Variants in SMARCC1 observed in about 807,000 individuals in gnomAD.
SMARCC1 encodes the protein SWI/SNF complex subunit SMARCC1.
SMARCC1 carries 43 observed loss-of-function variants against 147.4 expected under a neutral mutation model. That is an observed-to-expected ratio of 0.29 (90% CI 0.23 to 0.38). SMARCC1 has a LOEUF of 0.38. Among genes scored for constraint, SMARCC1 ranks in the 10% least tolerant of loss-of-function variants. The pLI is 1.00. For synonymous variants in SMARCC1, 495 were observed against 484.4 expected (o/e 1.02, Z -0.29); for missense variants, 1,119 against 1,381.1 (o/e 0.81, Z 3.01).
intron 11 of SMARCC1, among the ~76,000 whole-genome samples, chr3:47,695,411 G>C (rs2033836492): frequency 6.6e-6 from 1 of 152,076 alleles, no homozygotes. Context: ...TCATACACTG[G>C]AAAACTGAAT....
In SMARCC1 at chr3:47,781,815, C is replaced by T. The variant is rs1169245770; in HGVS notation, c.-18G>A. On this transcript the variant is annotated 5_prime_UTR_variant, in exon 1 of 28. Transcript: ENST00000254480. ...GCGGCCATCGTCGCAGCCCGTCGTC[C>T]CCACAGCCTGGCCCACCCCGGCCCT... The T allele has an allele frequency of 7.2e-7, 1 of 1,388,702 alleles. No individual in the cohort carries two copies. The highest frequency in any genetic ancestry group is 1.5e-5 in the African/African-American group (1 of 65,598). The allele number at this position is 1,388,702 out of a possible 1,614,324, so 86.0% of individuals were successfully genotyped here.
intron 18 of SMARCC1, among the ~76,000 whole-genome samples, chr3:47,671,190 A>AAAAAAAAAAAAAAAAAAAAAC (rs1559640688): frequency 6.9e-6 from 1 of 145,234 alleles, no homozygotes; most frequent in African/African-American, 2.6e-5. Flanking sequence ...AAAAAAAAAA[A>AAAAAAAAAAAAAAAAAAAAAC]AAAAAAAACA....
chr3:47,770,959 C>T (rs552554303), intron 2 of SMARCC1, among the ~76,000 whole-genome samples: 3 of 152,108 alleles, frequency 2.0e-5, no homozygotes, highest in Admixed American at 1.3e-4. Flanking sequence ...TCGCCCAGGC[C>T]GGAGGCAGTG....
chr3:47,659,762 G>C (rs932764804), intron 21 of SMARCC1, among the ~76,000 whole-genome samples: 1 of 110,510 alleles, frequency 9.0e-6, no homozygotes, highest in Non-Finnish European at 1.9e-5. Context: ...AAAAAAAAAG[G>C]GGGGGGGGGC....
chr3:47,605,808 A>C (rs531281339), intron 26 of SMARCC1, among the ~76,000 whole-genome samples: 62 of 152,264 alleles, frequency 4.1e-4, no homozygotes, highest in Non-Finnish European at 6.9e-4. Flanking sequence ...GCAGCCAGAC[A>C]TAATAAATGT....
At chr3:47,776,687 G>C (rs2034978801) in intron 1 of SMARCC1, among the ~76,000 whole-genome samples, 2 of 152,072 alleles carry the variant, frequency 1.3e-5, no homozygotes, top group Non-Finnish European at 2.9e-5. Flanking sequence ...CTTGAAAAAG[G>C]CTGTTCAGAT....
chr3:47,705,131 G>C (rs928667041), intron 10 of SMARCC1, among the ~76,000 whole-genome samples: 72 of 151,822 alleles, frequency 4.7e-4, no homozygotes, highest in African/African-American at 1.6e-3. Context: ...AGACCACCCT[G>C]ACCAACGTGG....
chr3:47,697,394 G>A (rs967533643), intron 11 of SMARCC1, among the ~76,000 whole-genome samples: 2 of 151,358 alleles, frequency 1.3e-5, no homozygotes, highest in African/African-American at 2.4e-5. Context: ...TCCGCCTCCC[G>A]GGTTCAAGCG....
chr3:47,611,059 A>T (rs2032557443), intron 25 of SMARCC1, among the ~76,000 whole-genome samples: 1 of 152,266 alleles, frequency 6.6e-6, no homozygotes, highest in Admixed American at 6.5e-5. Flanking sequence ...ATGAGAATAA[A>T]GAGAAATACA....
intron 25 of SMARCC1, among the ~76,000 whole-genome samples, chr3:47,619,574 G>A (rs4858842): frequency 0.59 from 90,474 of 152,128 alleles, 28,179 homozygotes; most frequent in East Asian, 0.72. Flanking sequence ...AGGTGGCAAA[G>A]AGAGTAAGGC....
chr3:47,678,490 T>A, intron 15 of SMARCC1, 179 bp from the exon 16 acceptor site: 1 of 414,860 alleles, frequency 2.4e-6, no homozygotes, highest in East Asian at 3.6e-5. Context: ...GAACCACGAA[T>A]ATGCAAAACA....
intron 26 of SMARCC1, among the ~76,000 whole-genome samples, chr3:47,595,466 G>T (rs2032258698): frequency 6.6e-6 from 1 of 152,014 alleles, no homozygotes; most frequent in Admixed American, 6.6e-5. Context: ...GGTGGAGGTT[G>T]CAGTGAGCCG....
intron 11 of SMARCC1, among the ~76,000 whole-genome samples, chr3:47,693,684 A>T (rs6792497): frequency 0.59 from 90,437 of 152,048 alleles, 28,172 homozygotes; most frequent in East Asian, 0.72. Flanking sequence ...TTGTTTTCAG[A>T]CAGGGACTCA....
chr3:47,748,370 C>G (rs1000777925), intron 2 of SMARCC1, among the ~76,000 whole-genome samples: 1 of 151,932 alleles, frequency 6.6e-6, no homozygotes. Flanking sequence ...AGTGCCAATA[C>G]GCCTGGCTAA....
intron 4 of SMARCC1, among the ~76,000 whole-genome samples, chr3:47,736,689 T>C (rs1447285997): frequency 6.6e-6 from 1 of 151,132 alleles, no homozygotes; most frequent in Non-Finnish European, 1.5e-5. Flanking sequence ...AAAATAAATA[T>C]ATAAAATCAA....
chr3:47,683,975 G>A (rs569416504), intron 14 of SMARCC1, among the ~76,000 whole-genome samples: 9 of 152,150 alleles, frequency 5.9e-5, no homozygotes, highest in East Asian at 1.9e-4. Context: ...GTACTCGGCC[G>A]GGCGCGGTGG....
chr3:47,708,476 C>T (rs1270992621), intron 9 of SMARCC1, among the ~76,000 whole-genome samples: 1 of 151,918 alleles, frequency 6.6e-6, no homozygotes, highest in East Asian at 1.9e-4. Context: ...TCTATATAAC[C>T]TCCTAAAAAT....
At chr3:47,627,503 CATT>C (rs1378931487) in intron 24 of SMARCC1, among the ~76,000 whole-genome samples, 2 of 152,076 alleles carry the variant, frequency 1.3e-5, no homozygotes, top group Admixed American at 1.3e-4. Context: ...TTGAATAAAA[CATT>C]ATTTCTCATC....
intron 8 of SMARCC1, among the ~76,000 whole-genome samples, chr3:47,711,997 C>A (rs1188034258): frequency 1.3e-5 from 2 of 152,186 alleles, no homozygotes; most frequent in African/African-American, 2.4e-5. Flanking sequence ...CTTTGGGAGG[C>A]TGAGGCGGGC....
Sources: allele counts gnomAD v4.1 joint callset (sites outside exome capture counted in the v4.1 genomes callset), GRCh38; gene constraint gnomAD v4.1.1; transcripts MANE v1.5; gene names NCBI Gene and HGNC (gene_info 2026-07-23, HGNC 2026-07-21).